Variants in TPST1 observed in about 807,000 individuals in gnomAD.
TPST1 encodes protein-tyrosine sulfotransferase 1.
TPST1 carries 20 observed loss-of-function variants against 34.8 expected under a neutral mutation model. The observed-to-expected ratio is 0.57, with a 90% CI of 0.40 to 0.84. TPST1 has a LOEUF of 0.84. Among genes scored for constraint, TPST1 ranks in the 40% least tolerant of loss-of-function variants. The probability of loss-of-function intolerance (pLI) is 0.00; values close to 1 mark genes in which losing one functional copy is unlikely to be tolerated. For synonymous variants in TPST1, 152 were observed against 159.4 expected (o/e 0.95, Z 0.35); for missense variants, 353 against 455.5 (o/e 0.78, Z 2.05).
chr7:66,304,403 C>T (rs953238481), intron 3 of TPST1, among the ~76,000 whole-genome samples: 1 of 152,180 alleles, frequency 6.6e-6, no homozygotes, highest in Non-Finnish European at 1.5e-5. Flanking sequence ...CTGCCCTGAC[C>T]TCTTAAAAAT....
intron 3 of TPST1, among the ~76,000 whole-genome samples, chr7:66,329,563 A>C (rs964661608): frequency 6.6e-6 from 1 of 152,150 alleles, no homozygotes; most frequent in African/African-American, 2.4e-5. Flanking sequence ...TTTGTTTGTG[A>C]GGGCTATATG....
chr7:66,318,686 C>T (rs373946663), intron 3 of TPST1, among the ~76,000 whole-genome samples: 19 of 152,244 alleles, frequency 1.2e-4, no homozygotes, highest in African/African-American at 2.6e-4. Flanking sequence ...AGGCTGGTCT[C>T]GATCTCCTGA....
the TPST1 span, among the ~76,000 whole-genome samples, chr7:66,199,236 A>C: frequency 6.6e-6 from 1 of 151,056 alleles, no homozygotes; most frequent in Admixed American, 6.6e-5. Context: ...GTCCATCCAA[A>C]CATCCATCCA....
intron 2 of TPST1, among the ~76,000 whole-genome samples, chr7:66,273,908 T>G (rs1314555590): frequency 6.6e-6 from 1 of 152,166 alleles, no homozygotes; most frequent in Admixed American, 6.5e-5. Context: ...GTTCAAGCGA[T>G]TCTCTCACCT....
intron 2 of TPST1, among the ~76,000 whole-genome samples, chr7:66,250,311 AT>A (rs1393816335): frequency 6.6e-6 from 1 of 152,180 alleles, no homozygotes; most frequent in Non-Finnish European, 1.5e-5. Context: ...CAGTTGGAAG[AT>A]GGTAGAGCCA....
chr7:66,312,828 T>C (rs1406801399), intron 3 of TPST1, among the ~76,000 whole-genome samples: 2 of 152,046 alleles, frequency 1.3e-5, no homozygotes, highest in African/African-American at 4.8e-5. Context: ...GAGAAAATGA[T>C]ACCTATGAAA....
intron 2 of TPST1, among the ~76,000 whole-genome samples, chr7:66,274,361 C>T (rs1438491076): frequency 1.3e-5 from 2 of 149,160 alleles, no homozygotes; most frequent in East Asian, 2.0e-4. Context: ...AGTGAGACTC[C>T]GTCTGAAAAA....
chr7:66,239,037 T>C (rs1789969956), intron 1 of TPST1, among the ~76,000 whole-genome samples: 1 of 152,248 alleles, frequency 6.6e-6, no homozygotes, highest in African/African-American at 2.4e-5. Flanking sequence ...TACAATTTTG[T>C]TTGCAGCCTA....
intron 1 of TPST1, among the ~76,000 whole-genome samples, chr7:66,213,177 CTGAATGTTAGATCTTTTGTTACT>C (rs1789300692): frequency 6.6e-6 from 1 of 152,100 alleles, no homozygotes; most frequent in Admixed American, 6.6e-5. Flanking sequence ...CATTCTGTGA[CTGAATGTTAGATCTTTTGTTACT>C]GTCTCACAGG....
Position 66,286,705 on chromosome 7 carries a change from G to C in TPST1, c.1040G>C (p.Arg347Pro), listed in dbSNP as rs548789818. 6.5e-7 allele frequency: 1 copy of C among 1,550,258 alleles called. No individual in the cohort carries two copies. The highest frequency in any genetic ancestry group is 8.7e-7 in the Non-Finnish European group (1 of 1,145,564). The part of the protein sequence containing the change: ...KPDPKIIENT[R>P]RVYKGEFQLP... ...GATCCCAAAATTATTGAAAACACTC[G>C]AAGGGTAAGTGAGATTTTTTAAAGC... Residue 347 changes from arginine to proline, a missense_variant, in exon 3 of 6, where the codon CGA becomes CCA. Physicochemically the swap from Arg to Pro is moderately radical, Grantham distance 103. Transcript: ENST00000304842.
intron 3 of TPST1, among the ~76,000 whole-genome samples, chr7:66,351,843 TTTA>T (rs1057028554): frequency 6.6e-6 from 1 of 152,200 alleles, no homozygotes; most frequent in Non-Finnish European, 1.5e-5. Flanking sequence ...TTATATATCT[TTTA>T]TTGATTTACT....
chr7:66,247,355 G>A (rs1273221250), intron 2 of TPST1, among the ~76,000 whole-genome samples: 1 of 152,204 alleles, frequency 6.6e-6, no homozygotes, highest in East Asian at 1.9e-4. Flanking sequence ...TTGAACCTGG[G>A]AGGTGGAGGT....
intron 3 of TPST1, among the ~76,000 whole-genome samples, chr7:66,333,556 AG>A (rs1165326412): frequency 1.3e-5 from 2 of 152,236 alleles, no homozygotes; most frequent in Non-Finnish European, 2.9e-5. Flanking sequence ...AGAACTGGGA[AG>A]GTTAAAAAAT....
intron 3 of TPST1, among the ~76,000 whole-genome samples, chr7:66,340,442 A>G (rs1366919373): frequency 6.6e-6 from 1 of 152,204 alleles, no homozygotes; most frequent in African/African-American, 2.4e-5. Context: ...GAAAGGAAGA[A>G]ACCACATTAT....
At chr7:66,236,496 T>A (rs565008503) in intron 1 of TPST1, among the ~76,000 whole-genome samples, 63 of 152,300 alleles carry the variant, frequency 4.1e-4, no homozygotes, top group Non-Finnish European at 7.1e-4. Flanking sequence ...GTACTTTATT[T>A]AAGTATATAT....
chr7:66,310,526 A>G (rs1366691429), intron 3 of TPST1, among the ~76,000 whole-genome samples: 2 of 152,078 alleles, frequency 1.3e-5, no homozygotes, highest in African/African-American at 4.8e-5. Flanking sequence ...CTCAGTGTGT[A>G]AGGGAATAAA....
At chr7:66,247,813 A>G (rs576525687) in intron 2 of TPST1, among the ~76,000 whole-genome samples, 1 of 152,146 alleles carries the variant, frequency 6.6e-6, no homozygotes, top group Admixed American at 6.5e-5. Flanking sequence ...AAGAGGTAGT[A>G]TGGAGGACTC....
chr7:66,325,332 A>T (rs1230242351), intron 3 of TPST1, among the ~76,000 whole-genome samples: 1 of 151,948 alleles, frequency 6.6e-6, no homozygotes, highest in Non-Finnish European at 1.5e-5. Flanking sequence ...TCAAGAGGAG[A>T]TTTGGATGGG....
intron 2 of TPST1, among the ~76,000 whole-genome samples, chr7:66,285,943 A>G (rs1411408649): frequency 3.3e-5 from 5 of 152,230 alleles, no homozygotes; most frequent in Non-Finnish European, 5.9e-5. Context: ...GCAGGAAAAT[A>G]GAACAAGTGA....
Sources: gnomAD v4.1 joint callset for allele counts (sites outside exome capture counted in the v4.1 genomes callset) on GRCh38, gnomAD v4.1.1 for gene constraint, MANE v1.5 for transcripts, NCBI Gene and HGNC (gene_info 2026-07-23, HGNC 2026-07-21) for gene names.